The following TTC28 variants were observed in gnomAD, a reference collection of about 807,000 sequenced individuals.
The protein encoded by TTC28 is tetratricopeptide repeat protein 28.
A neutral mutation model predicts 198.0 loss-of-function variants in TTC28; 61 were observed. That is an observed-to-expected ratio of 0.31 (90% CI 0.25 to 0.38). The LOEUF is 0.38. Ranked by LOEUF, TTC28 falls within the 10% of genes least tolerant of loss-of-function variation. The pLI is 1.00. For synonymous variants in TTC28, 1,171 were observed against 1,297.8 expected (o/e 0.90, Z 2.10); for missense variants, 2,678 against 3,164.0 (o/e 0.85, Z 3.69).
intron 2 of TTC28, among the ~76,000 whole-genome samples, chr22:28,535,340 G>C (rs963241651): frequency 1.3e-5 from 2 of 152,114 alleles, no homozygotes; most frequent in Admixed American, 6.5e-5. Flanking sequence ...GGCCTACTTT[G>C]TGCTCCTGTC....
intron 2 of TTC28, among the ~76,000 whole-genome samples, chr22:28,498,264 T>G (rs2048485097): frequency 6.6e-6 from 1 of 152,100 alleles, no homozygotes; most frequent in South Asian, 2.1e-4. Flanking sequence ...CACGATAAGG[T>G]TCAACCCTAT....
intron 2 of TTC28, among the ~76,000 whole-genome samples, chr22:28,603,603 T>G (rs1237762584): frequency 6.6e-6 from 1 of 152,084 alleles, no homozygotes; most frequent in Non-Finnish European, 1.5e-5. Context: ...CTTTGTTGCC[T>G]AGGCTTGTCT....
intron 5 of TTC28, among the ~76,000 whole-genome samples, chr22:28,189,523 T>TC (rs1261775573): frequency 6.6e-6 from 1 of 150,678 alleles, no homozygotes; most frequent in Non-Finnish European, 1.5e-5. Flanking sequence ...ACTTAAGAAA[T>TC]TTTTTCCTAG....
intron 2 of TTC28, among the ~76,000 whole-genome samples, chr22:28,624,013 A>C (rs2051039652): frequency 6.6e-6 from 1 of 152,202 alleles, no homozygotes; most frequent in Non-Finnish European, 1.5e-5. Flanking sequence ...ATGCAAAAAA[A>C]AGTAGAAAAA....
intron 5 of TTC28, among the ~76,000 whole-genome samples, chr22:28,201,931 A>G (rs540235161): frequency 1.3e-5 from 2 of 152,224 alleles, no homozygotes; most frequent in South Asian, 4.2e-4. Flanking sequence ...AATGAAATTA[A>G]TATTTGTACA....
In TTC28 at chr22:28,561,739, T is replaced by A. The variant is rs533160472; in HGVS notation, c.381+67813A>T. Among the ~76,000 whole-genome samples, 70 of 152,308 alleles carry A rather than the reference T, an allele frequency of 4.6e-4. 1 individual carries two copies. In the South Asian group the frequency reaches 0.014, roughly 31 times the overall value. On this transcript the variant is annotated intron_variant, in intron 2 of 22. Transcript: ENST00000397906. ...GCTAAGCCTGGAACATTCTTCCATA[T>A]CCTTTCCTCCTCATACTTAGCTAAC...
In TTC28 at chr22:28,529,356, G is replaced by C. The variant is rs572639118; in HGVS notation, c.381+100196C>G. Among the ~76,000 whole-genome samples, 18 of 152,312 alleles carry C rather than the reference G, an allele frequency of 1.2e-4. No individual in the cohort carries two copies. The East Asian group carries it at 3.5e-3, about 29-fold the overall frequency. On this transcript the variant is annotated intron_variant, in intron 2 of 22. Coordinates refer to ENST00000397906, the MANE Select transcript of TTC28 (RefSeq NM_001145418.2). ...AACTGCAAGGCAGCAGCGAGGCTGG[G>C]GGACGGGCGCCCACCATTGCTGAGG...
intron 2 of TTC28, among the ~76,000 whole-genome samples, chr22:28,577,560 G>C (rs755130101): frequency 2.0e-5 from 3 of 152,098 alleles, no homozygotes; most frequent in Non-Finnish European, 4.4e-5. Context: ...TGCTGAAAGT[G>C]AGGTGATGAA....
At chr22:28,044,878 T>C (rs1369205221) in intron 12 of TTC28, among the ~76,000 whole-genome samples, 1 of 152,194 alleles carries the variant, frequency 6.6e-6, no homozygotes, top group African/African-American at 2.4e-5. Flanking sequence ...CTAGCTTTTC[T>C]TTGTTAAAGG....
chr22:28,300,538 C>T (rs1810799166), intron 3 of TTC28, among the ~76,000 whole-genome samples: 1 of 151,868 alleles, frequency 6.6e-6, no homozygotes, highest in African/African-American at 2.4e-5. Context: ...TAAAATTTCC[C>T]TTCTCGGTAT....
intron 1 of TTC28, among the ~76,000 whole-genome samples, chr22:28,658,519 G>T (rs1197044859): frequency 6.6e-6 from 1 of 152,206 alleles, no homozygotes; most frequent in Non-Finnish European, 1.5e-5. Flanking sequence ...AATGGTGGCT[G>T]CCAGAGGCTG....
intron 5 of TTC28, among the ~76,000 whole-genome samples, chr22:28,192,176 C>G (rs1212159769): frequency 6.6e-6 from 1 of 152,218 alleles, no homozygotes; most frequent in African/African-American, 2.4e-5. Context: ...CCCAGGCAAA[C>G]AGGGTCTGGA....
chr22:28,671,849 T>C (rs1235875790), intron 1 of TTC28, among the ~76,000 whole-genome samples: 1 of 151,190 alleles, frequency 6.6e-6, no homozygotes, highest in Non-Finnish European at 1.5e-5. Flanking sequence ...CTAATTTTTG[T>C]GTTTTTAGTA....
intron 3 of TTC28, among the ~76,000 whole-genome samples, chr22:28,298,364 C>A (rs1192162336): frequency 5.3e-5 from 8 of 152,216 alleles, no homozygotes. Context: ...TATAGGACTA[C>A]TGTAACACCA....
At chr22:28,176,254 T>C (rs1033137490) in intron 5 of TTC28, among the ~76,000 whole-genome samples, 3 of 152,142 alleles carry the variant, frequency 2.0e-5, no homozygotes, top group African/African-American at 4.8e-5. Context: ...AATCCTGTCA[T>C]TTGTGACAAC....
intron 6 of TTC28, among the ~76,000 whole-genome samples, chr22:28,135,909 T>C (rs943570253): frequency 1.3e-5 from 2 of 152,216 alleles, no homozygotes; most frequent in Non-Finnish European, 2.9e-5. Context: ...TAACTATATC[T>C]TCCTAAGACT....
At chr22:28,067,931 C>T (rs532938198) in intron 12 of TTC28, among the ~76,000 whole-genome samples, 15 of 152,254 alleles carry the variant, frequency 9.9e-5, no homozygotes, top group African/African-American at 3.6e-4. Flanking sequence ...ATCTACGTGC[C>T]TAAGCTATGT....
chr22:28,062,643 T>C (rs1356174798), intron 12 of TTC28, among the ~76,000 whole-genome samples: 1 of 152,028 alleles, frequency 6.6e-6, no homozygotes, highest in Non-Finnish European at 1.5e-5. Flanking sequence ...CCGAGATTGA[T>C]ACTTTCTATT....
At chr22:28,196,223 T>G (rs941362917) in intron 5 of TTC28, among the ~76,000 whole-genome samples, 1 of 152,242 alleles carries the variant, frequency 6.6e-6, no homozygotes, top group Admixed American at 6.5e-5. Context: ...CTGGGAAAAC[T>G]GGCTAGCCAT....
Sources: gnomAD v4.1 joint callset for allele counts (sites outside exome capture counted in the v4.1 genomes callset) on GRCh38, gnomAD v4.1.1 for gene constraint, MANE v1.5 for transcripts, NCBI Gene and HGNC (gene_info 2026-07-23, HGNC 2026-07-21) for gene names.